Variants in KANK1 observed in about 807,000 individuals in gnomAD.
The protein encoded by KANK1 is KN motif and ankyrin repeat domains 1, also known as KN motif and ankyrin repeat domain-containing protein 1.
Under a neutral mutation model 106.2 loss-of-function variants are expected in KANK1, and 109 were observed. That is an observed-to-expected ratio of 1.03 (90% confidence interval 0.88 to 1.20). The LOEUF is 1.20. Ranked by LOEUF, KANK1 falls within the 50% of genes most tolerant of loss-of-function variation. The pLI is 0.00. For missense variants in KANK1, 2,399 were observed against 1,710.7 expected, an observed-to-expected ratio of 1.40 and a Z score of -7.10; for synonymous variants, 873 against 652.2, an observed-to-expected ratio of 1.34 and a Z score of -5.16.
chr9:702,396 T>C (rs1281553093), intron 2 of KANK1, among the ~76,000 whole-genome samples: 1 of 152,164 alleles, frequency 6.6e-6, no homozygotes, highest in African/African-American at 2.4e-5. Flanking sequence ...CCCACTAGAC[T>C]GTGAGCCTTG....
At chr9:587,785 G>A (rs1366218968) in intron 1 of KANK1, among the ~76,000 whole-genome samples, 2 of 152,162 alleles carry the variant, frequency 1.3e-5, no homozygotes, top group African/African-American at 4.8e-5. Context: ...AGAGAAATTA[G>A]CCAGGCACAG....
intron 1 of KANK1, among the ~76,000 whole-genome samples, chr9:605,300 CAAAAA>C (rs34315668): frequency 9.4e-6 from 1 of 106,822 alleles, no homozygotes; most frequent in Non-Finnish European, 1.8e-5. Flanking sequence ...GACTCCGTCT[CAAAAA>C]AAAAAAAAAA....
intron 3 of KANK1, among the ~76,000 whole-genome samples, chr9:478,696 AC>A (rs2058149897): frequency 6.6e-6 from 1 of 152,220 alleles, no homozygotes; most frequent in South Asian, 2.1e-4. Flanking sequence ...ACCTTTAAAA[AC>A]AAAACCAAAC....
At chr9:549,160 T>A (rs2061117181) in intron 1 of KANK1, 1 of 152,118 alleles carries the variant, frequency 6.6e-6, no homozygotes, top group Non-Finnish European at 1.5e-5. Flanking sequence ...CTTCTCTGAT[T>A]TTATTTCTTC....
At chr9:560,641 T>C (rs1007910795) in intron 1 of KANK1, among the ~76,000 whole-genome samples, 4 of 152,308 alleles carry the variant, frequency 2.6e-5, no homozygotes, top group African/African-American at 9.6e-5. Context: ...CCAGATAAAA[T>C]GTTTGAGTAG....
intron 2 of KANK1, among the ~76,000 whole-genome samples, chr9:680,664 G>C (rs1039084360): frequency 2.2e-4 from 34 of 152,008 alleles, no homozygotes; most frequent in Admixed American, 1.7e-3. Flanking sequence ...TACATTCTAG[G>C]GACAGTTAAA....
chr9:534,382 G>T (rs1036094875), intron 1 of KANK1, among the ~76,000 whole-genome samples: 1 of 152,146 alleles, frequency 6.6e-6, no homozygotes, highest in Non-Finnish European at 1.5e-5. Context: ...TTGCTGGGGA[G>T]GCTGTGGATT....
At chr9:561,901 A>G (rs1359538785) in intron 1 of KANK1, among the ~76,000 whole-genome samples, 1 of 152,252 alleles carries the variant, frequency 6.6e-6, no homozygotes, top group Non-Finnish European at 1.5e-5. Flanking sequence ...AAATTGACCA[A>G]GGAAGAGAGG....
At chr9:510,652 T>C (rs570620757) in intron 1 of KANK1, among the ~76,000 whole-genome samples, 2 of 152,342 alleles carry the variant, frequency 1.3e-5, no homozygotes, top group East Asian at 3.9e-4. Flanking sequence ...GTGGGGTTGG[T>C]GATGCTGGCT....
intron 1 of KANK1, among the ~76,000 whole-genome samples, chr9:671,397 G>A (rs1017345335): frequency 3.3e-5 from 5 of 151,884 alleles, no homozygotes; most frequent in Non-Finnish European, 7.4e-5. Flanking sequence ...TGTAATCCCA[G>A]CCCTTTGGGA....
intron 5 of KANK1, 48 bp downstream of exon 5, chr9:731,314 A>G (rs2131746242): frequency 1.8e-6 from 2 of 1,120,436 alleles, no homozygotes; most frequent in East Asian, 5.0e-5. Context: ...AGTCTCCTTT[A>G]CCTCCTGCCT....
chr9:582,910 A>G (rs1464735743), intron 1 of KANK1, among the ~76,000 whole-genome samples: 2 of 152,234 alleles, frequency 1.3e-5, no homozygotes, highest in African/African-American at 4.8e-5. Flanking sequence ...ATGTATTTGT[A>G]ATGTTAGCAA....
At chr9:555,001 T>C (rs1359520795) in intron 1 of KANK1, among the ~76,000 whole-genome samples, 1 of 152,168 alleles carries the variant, frequency 6.6e-6, no homozygotes, top group Non-Finnish European at 1.5e-5. Context: ...GAAGTAATGT[T>C]TTACCGGCTG....
Position 711,363 on chromosome 9 carries a change from T to G in KANK1, c.597T>G (p.Phe199Leu). 9 of 1,614,152 alleles carry G rather than the reference T, an allele frequency of 5.6e-6. No homozygotes were observed. The highest frequency in any genetic ancestry group is 6.8e-6 in the Non-Finnish European group (8 of 1,180,018). ...GMGTTSSLPS[F>L]VGSGNHNPAK... is the part of the protein sequence containing the mutation. Reference sequence around the variant, plus strand: ...GCACCACAAGCTCCCTCCCTTCTTTTGTGGGTTCTGGAAACCACAATCCTG... The same window carrying G: ...GCACCACAAGCTCCCTCCCTTCTTTGGTGGGTTCTGGAAACCACAATCCTG... The change falls in exon 3 of 12, where the codon TTT (phenylalanine) becomes TTG (leucine). Residue 199 changes from phenylalanine to leucine, a missense_variant. Physicochemically the swap from Phe to Leu is conservative, Grantham distance 22. Transcript: ENST00000382297.
At chr9:553,005 G>GC (rs1337294940) in intron 1 of KANK1, among the ~76,000 whole-genome samples, 1 of 152,094 alleles carries the variant, frequency 6.6e-6, no homozygotes, top group Non-Finnish European at 1.5e-5. Flanking sequence ...AATTATCCAG[G>GC]CCTGGTGGCA....
intron 1 of KANK1, among the ~76,000 whole-genome samples, chr9:676,170 C>G (rs1198485780): frequency 6.6e-6 from 1 of 152,142 alleles, no homozygotes; most frequent in Non-Finnish European, 1.5e-5. Context: ...GCTGACCTGT[C>G]TCATCCTGTG....
At chr9:591,588 C>T (rs547737757) in intron 1 of KANK1, among the ~76,000 whole-genome samples, 1 of 151,982 alleles carries the variant, frequency 6.6e-6, no homozygotes, top group East Asian at 1.9e-4. Context: ...TGAAATTCTG[C>T]AGGTGCAGTT....
At chr9:607,424 G>A (rs1319711387) in intron 1 of KANK1, among the ~76,000 whole-genome samples, 1 of 144,630 alleles carries the variant, frequency 6.9e-6, no homozygotes, top group Non-Finnish European at 1.5e-5. Context: ...AGCAGAGGTT[G>A]CAGTGAGCCA....
At chr9:612,778 C>T (rs1461024030) in intron 1 of KANK1, among the ~76,000 whole-genome samples, 1 of 152,080 alleles carries the variant, frequency 6.6e-6, no homozygotes, top group Non-Finnish European at 1.5e-5. Context: ...GTGAGCAATA[C>T]CTTTGACTGT....
Sources: gnomAD v4.1 joint callset for allele counts (sites outside exome capture counted in the v4.1 genomes callset) on GRCh38, gnomAD v4.1.1 for gene constraint, MANE v1.5 for transcripts, NCBI Gene and HGNC (gene_info 2026-07-23, HGNC 2026-07-21) for gene names.